The following IKZF1 variants were observed in gnomAD, a reference collection of about 807,000 sequenced individuals.
IKZF1 encodes IKAROS family zinc finger 1.
IKZF1 carries 10 observed loss-of-function variants against 51.7 expected under a neutral mutation model. The ratio of observed to expected loss-of-function variants is 0.19; its 90% CI spans 0.12 to 0.33. The LOEUF (loss-of-function observed/expected upper bound fraction) is 0.33, where lower values mean the gene tolerates loss of function less well. Among genes scored for constraint, IKZF1 ranks in the 10% least tolerant of loss-of-function variants. IKZF1 has a pLI of 1.00. For missense variants in IKZF1, 484 were observed against 707.5 expected, an observed-to-expected ratio of 0.68 and a Z score of 3.58; for synonymous variants, 280 against 282.3, an observed-to-expected ratio of 0.99 and a Z score of 0.08.
At chr7:50,385,265 A>T (rs1057341992) in intron 5 of IKZF1, among the ~76,000 whole-genome samples, 1 of 152,216 alleles carries the variant, frequency 6.6e-6, no homozygotes, top group Non-Finnish European at 1.5e-5. Flanking sequence ...ATTTCACTGA[A>T]GTGAAATAAG....
chr7:50,314,642 T>C (rs569341477), intron 1 of IKZF1, among the ~76,000 whole-genome samples: 6 of 152,230 alleles, frequency 3.9e-5, no homozygotes, highest in African/African-American at 7.2e-5. Flanking sequence ...GTCAGAATTA[T>C]GGAAGAGACT....
chr7:50,342,121 T>C (rs1799199628), intron 3 of IKZF1, among the ~76,000 whole-genome samples: 1 of 152,254 alleles, frequency 6.6e-6, no homozygotes. Context: ...GAACATCTGC[T>C]TTTTAAGTCT....
chr7:50,325,624 A>C (rs1298611782), intron 2 of IKZF1, among the ~76,000 whole-genome samples: 2 of 151,930 alleles, frequency 1.3e-5, no homozygotes, highest in African/African-American at 4.8e-5. Flanking sequence ...AAATACAAAA[A>C]TTTAGTTGGG....
Position 50,331,490 on chromosome 7 carries a change from G to A in IKZF1, c.160+3733G>A, listed in dbSNP as rs1562759069. Reference sequence around the variant, plus strand: ...TTTGCTAATAATAGATTGCAAGAGTGTCTGCTTTAGAAAGTGACAAGGAAC... The same window carrying A: ...TTTGCTAATAATAGATTGCAAGAGTATCTGCTTTAGAAAGTGACAAGGAAC... On this transcript the variant is annotated intron_variant, in intron 3 of 7. Transcript: ENST00000331340. Among the ~76,000 whole-genome samples, 6 of 152,108 alleles carry A rather than the reference G, an allele frequency of 3.9e-5. No individual in the cohort carries two copies. In the South Asian group the frequency reaches 1.0e-3, roughly 26 times the overall value.
At chr7:50,335,417 G>A (rs1405946807) in intron 3 of IKZF1, among the ~76,000 whole-genome samples, 1 of 126,390 alleles carries the variant, frequency 7.9e-6, no homozygotes, top group Admixed American at 7.7e-5. Flanking sequence ...TGTATGTGTG[G>A]TGTGTATGTG....
Position 50,404,453 on chromosome 7 carries a change from G to A in IKZF1, c.*3826G>A, listed in dbSNP as rs965828872. On this transcript the variant is annotated 3_prime_UTR_variant, in exon 8 of 8. Coordinates refer to ENST00000331340, the MANE Select transcript of IKZF1 (RefSeq NM_006060.6). ...ACGAATACTCTGTCTGCCCTATCCC[G>A]TGAAGTCCACACTGGCGTAAGAGAA... 3.5e-5 allele frequency: 8 copies of A among 228,934 alleles called. No homozygotes were observed. Among genetic ancestry groups the A allele is most frequent in the South Asian group, 1.8e-4 (1 of 5,490 alleles). 14.2% of individuals were successfully genotyped at this position (228,934 alleles called of 1,614,324 possible).
chr7:50,331,111 A>G (rs977486485), intron 3 of IKZF1, among the ~76,000 whole-genome samples: 58 of 152,350 alleles, frequency 3.8e-4, no homozygotes, highest in Admixed American at 3.0e-3. Context: ...GACACAAAGT[A>G]AAAAGGACAG....
At chr7:50,313,098 A>T (rs568171915) in intron 1 of IKZF1, among the ~76,000 whole-genome samples, 3 of 152,272 alleles carry the variant, frequency 2.0e-5, no homozygotes, top group African/African-American at 7.2e-5. Context: ...AAGACTTTGC[A>T]CATTGCCTTA....
At chr7:50,342,708 G>C (rs1438806717) in intron 3 of IKZF1, among the ~76,000 whole-genome samples, 3 of 151,366 alleles carry the variant, frequency 2.0e-5, no homozygotes, top group Admixed American at 1.3e-4. Flanking sequence ...TGCAGCCTGA[G>C]AAAGCAGTTC....
Position 50,402,457 on chromosome 7 carries a change from A to G in IKZF1, c.*1830A>G, listed in dbSNP as rs895468757. On this transcript the variant is annotated 3_prime_UTR_variant, in exon 8 of 8. Coordinates refer to ENST00000331340, the MANE Select transcript of IKZF1 (RefSeq NM_006060.6). ...CCCGAATTGACAACCCAAACTCTCC[A>G]GACATCACCAACTGTCCCCTGCGAG... 4 of 231,578 alleles carry G rather than the reference A, an allele frequency of 1.7e-5. No individual in the cohort carries two copies. The highest frequency in any genetic ancestry group is 3.4e-5 in the Non-Finnish European group (4 of 117,030). 14.3% of individuals were successfully genotyped at this position (231,578 alleles called of 1,614,324 possible). A position where few individuals can be genotyped will look rare whatever the true frequency, so the allele number is the denominator to read the frequency against.
chr7:50,333,320 A>C (rs1796821061), intron 3 of IKZF1, among the ~76,000 whole-genome samples: 1 of 118,746 alleles, frequency 8.4e-6, no homozygotes, highest in Non-Finnish European at 1.7e-5. Context: ...GAAGACCAGC[A>C]CGGTAGTCGG....
At chr7:50,319,682 G>A (rs1008927078) in intron 2 of IKZF1, among the ~76,000 whole-genome samples, 3 of 152,200 alleles carry the variant, frequency 2.0e-5, no homozygotes, top group Non-Finnish European at 4.4e-5. Flanking sequence ...AAACCGCACA[G>A]TTCCCCAGTG....
At chr7:50,327,872 A>G in intron 3 of IKZF1, 115 bp downstream of exon 3, 2 of 1,197,698 alleles carry the variant, frequency 1.7e-6, no homozygotes, top group South Asian at 3.3e-5. Flanking sequence ...CTCAACTGGC[A>G]TATTAAAGAA....
At chr7:50,342,490 G>A (rs1799281159) in intron 3 of IKZF1, among the ~76,000 whole-genome samples, 1 of 152,182 alleles carries the variant, frequency 6.6e-6, no homozygotes, top group South Asian at 2.1e-4. Flanking sequence ...GAGCGCCCTT[G>A]AGGACAGGCT....
At chr7:50,340,211 G>C (rs1330776047) in intron 3 of IKZF1, among the ~76,000 whole-genome samples, 1 of 152,238 alleles carries the variant, frequency 6.6e-6, no homozygotes, top group Non-Finnish European at 1.5e-5. Context: ...GACACTTGCT[G>C]TAACTCCATT....
intron 2 of IKZF1, among the ~76,000 whole-genome samples, chr7:50,322,743 A>G (rs1793748926): frequency 6.6e-6 from 1 of 152,148 alleles, no homozygotes; most frequent in Admixed American, 6.5e-5. Context: ...AAAGTGAAGG[A>G]TGTGGGAACT....
Position 50,330,423 on chromosome 7 carries a change from A to T in IKZF1, c.160+2666A>T, listed in dbSNP as rs143356916. 6.1e-3 allele frequency among the ~76,000 whole-genome samples: 934 copies of T among 152,286 alleles called. 11 individuals are homozygous for T. The highest frequency in any genetic ancestry group is 0.021 in the African/African-American group (889 of 41,536). On this transcript the variant is annotated intron_variant, in intron 3 of 7. Transcript: ENST00000331340. ...ACAGGAGTGATAGGTTACTGTAAAG[A>T]AAGCAAAAAAGATGCAAAAGCCTAC...
chr7:50,337,013 T>C (rs1797947368), intron 3 of IKZF1, among the ~76,000 whole-genome samples: 1 of 152,030 alleles, frequency 6.6e-6, no homozygotes, highest in East Asian at 1.9e-4. Flanking sequence ...GAGGAGTTGC[T>C]GGGGACAGGA....
intron 1 of IKZF1, among the ~76,000 whole-genome samples, chr7:50,313,250 G>C (rs865941134): frequency 6.6e-6 from 1 of 152,198 alleles, no homozygotes; most frequent in African/African-American, 2.4e-5. Context: ...AAAGAGGTCT[G>C]TGACCTAAGG....
Sources: allele counts gnomAD v4.1 joint callset (sites outside exome capture counted in the v4.1 genomes callset), GRCh38; gene constraint gnomAD v4.1.1; transcripts MANE v1.5; gene names NCBI Gene and HGNC (gene_info 2026-07-23, HGNC 2026-07-21).